KCNQ1OT1: variants seen among roughly 807,000 people sequenced by gnomAD.
The protein encoded by KCNQ1OT1 is KCNQ1 opposite strand/antisense transcript 1.
Position 2,682,216 on chromosome 11 carries a change from C to T in KCNQ1OT1, n.17779G>A, listed in dbSNP as rs1850410132. The T allele has an allele frequency of 2.5e-6, 1 of 398,406 alleles. No individual in the cohort carries two copies. The highest frequency in any genetic ancestry group is 4.4e-6 in the Non-Finnish European group (1 of 226,058). 24.7% of individuals were successfully genotyped at this position (398,406 alleles called of 1,614,324 possible). The stretch of plus-strand genomic sequence containing the variant: ...TTCCCCAGGCCAGGACTGTCTTATC[C>T]TGTGGTTCTTAGCTGAAATGTCCCT... On this transcript the variant is annotated non_coding_transcript_exon_variant, in exon 1 of 1. Coordinates refer to ENST00000597346, the Ensembl canonical transcript of KCNQ1OT1. This position sits in a 1 kb window ranked among gnomAD's most constrained non-coding sequence, Gnocchi z 5.8.
At position 2,691,785 on chromosome 11, in the gene KCNQ1OT1, G is replaced by A. The variant is rs959904983; in HGVS notation, n.8210C>T. 2.5e-6 allele frequency: 1 copy of A among 398,700 alleles called. No homozygotes were observed. Among genetic ancestry groups the A allele is most frequent in the South Asian group, 1.3e-4 (1 of 7,858 alleles). 24.7% of individuals were successfully genotyped at this position (398,700 alleles called of 1,614,324 possible). A position where few individuals can be genotyped will look rare whatever the true frequency, so the allele number is the denominator to read the frequency against. ...ATTTGCAGGCCAGTGGCCATCCACT[G>A]CCAGCAATCAGAGAATCACAAGCAC... On this transcript the variant is annotated non_coding_transcript_exon_variant, in exon 1 of 1. Transcript: ENST00000597346. This position sits in a 1 kb window ranked among gnomAD's most constrained non-coding sequence, Gnocchi z 6.4.
At position 2,627,631 on chromosome 11, in the gene KCNQ1OT1, C is replaced by T. The variant is rs1849282360; in HGVS notation, n.72364G>A. The T allele has an allele frequency of 5.0e-6, 2 of 398,256 alleles. No individual in the cohort carries two copies. The highest frequency in any genetic ancestry group is 3.6e-5 in the East Asian group (1 of 28,062). The allele number at this position is 398,256 out of a possible 1,614,324, so 24.7% of individuals were successfully genotyped here. ...TATGTTGTCATAAATTGCATGATTT[C>T]CTGCTTTTTAAAGGATGAATATTTC... On this transcript the variant is annotated non_coding_transcript_exon_variant, in exon 1 of 1. Transcript: ENST00000597346. The surrounding 1 kb of genome is among the most constrained non-coding windows in gnomAD (Gnocchi z 4.9).
At position 2,670,184 on chromosome 11, in the gene KCNQ1OT1, T is replaced by C. The variant is rs1423115145; in HGVS notation, n.29811A>G. 1 of 398,632 alleles carries C rather than the reference T, an allele frequency of 2.5e-6. No homozygotes were observed. The highest frequency in any genetic ancestry group is 4.4e-6 in the Non-Finnish European group (1 of 226,086). The allele number at this position is 398,632 out of a possible 1,614,324, so 24.7% of individuals were successfully genotyped here. On this transcript the variant is annotated non_coding_transcript_exon_variant, in exon 1 of 1. Transcript: ENST00000597346. This position sits in a 1 kb window ranked among gnomAD's most constrained non-coding sequence, Gnocchi z 4.9. ...CATCTGCCAAGGCAAGCACCCACAT[T>C]AAAGCAGAGTGAAGAGCAGGGCGAG...
chr11:2,643,386 T>C (rs1272754219), exon 1 of KCNQ1OT1: 2 of 398,344 alleles, frequency 5.0e-6, no homozygotes, highest in South Asian at 1.3e-4. Flanking sequence ...TCTTGGTCAA[T>C]TGATCCCTCT....
Position 2,676,159 on chromosome 11 carries a change from TAC to T in KCNQ1OT1, n.23834_23835del. 2.5e-6 allele frequency: 1 copy of T among 398,684 alleles called. No individual in the cohort carries two copies. Among genetic ancestry groups the T allele is most frequent in the Non-Finnish European group, 4.4e-6 (1 of 226,072 alleles). The allele number at this position is 398,684 out of a possible 1,614,324, so 24.7% of individuals were successfully genotyped here. On this transcript the variant is annotated non_coding_transcript_exon_variant, in exon 1 of 1. Coordinates refer to ENST00000597346, the Ensembl canonical transcript of KCNQ1OT1. This position sits in a 1 kb window ranked among gnomAD's most constrained non-coding sequence, Gnocchi z 4.2. ...TGGTAGCATACTGTATGTATTTTTC[TAC>T]ACTTTGCCTTTGACTTCTTCCATAG...
exon 1 of KCNQ1OT1, chr11:2,697,152 G>A (rs1850691082): frequency 1.3e-5 from 5 of 398,446 alleles, no homozygotes; most frequent in Middle Eastern, 6.2e-4. Context: ...GACCCCAGTG[G>A]AATATGTGCT....
rs1850456463 is a variant in KCNQ1OT1, at chr11:2,684,845, G to A, written n.15150C>T. ...TCCTAGTCAAGGCCTCCTGTTATTG[G>A]CTTCCTCCAGGGAGTCTGCTGAGAC... On this transcript the variant is annotated non_coding_transcript_exon_variant, in exon 1 of 1. Transcript: ENST00000597346. 1.0e-5 allele frequency: 4 copies of A among 398,640 alleles called. No homozygotes were observed. In the South Asian group the frequency reaches 5.1e-4, roughly 51 times the overall value. The allele number at this position is 398,640 out of a possible 1,614,324, so 24.7% of individuals were successfully genotyped here. A position where few individuals can be genotyped will look rare whatever the true frequency, so the allele number is the denominator to read the frequency against.
exon 1 of KCNQ1OT1, chr11:2,640,274 A>G: frequency 5.0e-6 from 2 of 397,804 alleles, no homozygotes; most frequent in Non-Finnish European, 8.8e-6. Context: ...TTGGAAATGC[A>G]GAAATCACCC....
exon 1 of KCNQ1OT1, chr11:2,699,760 C>G (rs1447894857): frequency 2.8e-6 from 1 of 359,684 alleles, no homozygotes; most frequent in Non-Finnish European, 4.7e-6. Flanking sequence ...AGAAGAGCGC[C>G]GCGCTGAGGA....
rs1454102607 is a variant in KCNQ1OT1 at position 2,617,035 on chromosome 11, A to G, written n.82960T>C. The G allele has an allele frequency of 2.5e-6, 1 of 398,068 alleles. No homozygotes were observed. Among genetic ancestry groups the G allele is most frequent in the Admixed American group, 4.4e-5 (1 of 22,686 alleles). 24.7% of individuals were successfully genotyped at this position (398,068 alleles called of 1,614,324 possible). On this transcript the variant is annotated non_coding_transcript_exon_variant, in exon 1 of 1. Coordinates refer to ENST00000597346, the Ensembl canonical transcript of KCNQ1OT1. The surrounding 1 kb of genome is among the most constrained non-coding windows in gnomAD (Gnocchi z 4.6). ...ATACAGTTAAATCGTTAACATAGTG[A>G]TGCAAATTAATATGTCCATCATCTC... is the stretch of plus-strand genomic sequence containing the variant.
exon 1 of KCNQ1OT1, chr11:2,655,454 C>T (rs1439243414): frequency 5.0e-6 from 2 of 398,560 alleles, no homozygotes; most frequent in East Asian, 3.6e-5. Context: ...GCAAAGGGCA[C>T]CTGGCATTGC....
chr11:2,683,756 G>C lies in KCNQ1OT1; in HGVS notation n.16239C>G, dbSNP rs935195989. The C allele has an allele frequency of 1.0e-5, 4 of 398,488 alleles. No individual in the cohort carries two copies. Among genetic ancestry groups the C allele is most frequent in the Non-Finnish European group, 1.8e-5 (4 of 226,074 alleles). The allele number at this position is 398,488 out of a possible 1,614,324, so 24.7% of individuals were successfully genotyped here. A position where few individuals can be genotyped will look rare whatever the true frequency, so the allele number is the denominator to read the frequency against. On this transcript the variant is annotated non_coding_transcript_exon_variant, in exon 1 of 1. Transcript: ENST00000597346. This position sits in a 1 kb window ranked among gnomAD's most constrained non-coding sequence, Gnocchi z 4.7. ...GCTTTAGCTCTGAGGCAGCCCAGAT[G>C]ACATGGGCCTCTAAGGCTGGCTGCT...
chr11:2,618,387 A>G, exon 1 of KCNQ1OT1: 1 of 398,612 alleles, frequency 2.5e-6, no homozygotes. Context: ...TCCTGGGCTT[A>G]CATGTGGTCT....
At chr11:2,699,525 G>A (rs1850740784) in exon 1 of KCNQ1OT1, 2 of 333,846 alleles carry the variant, frequency 6.0e-6, no homozygotes, top group Non-Finnish European at 1.0e-5. Flanking sequence ...GGAGAGTGCC[G>A]CGCTGAGGAG....
Position 2,620,740 on chromosome 11 carries a change from T to C in KCNQ1OT1, n.79255A>G. 2.5e-6 allele frequency: 1 copy of C among 398,592 alleles called. No homozygotes were observed. Among genetic ancestry groups the C allele is most frequent in the Non-Finnish European group, 4.4e-6 (1 of 226,054 alleles). The allele number at this position is 398,592 out of a possible 1,614,324, so 24.7% of individuals were successfully genotyped here. A position where few individuals can be genotyped will look rare whatever the true frequency, so the allele number is the denominator to read the frequency against. ...ATTGCTGGGTCAGATGGTAGTTCTGTTTTCAGTTATTTGAGAAAACTCCAA... is the reference window on the plus strand; with the variant it reads ...ATTGCTGGGTCAGATGGTAGTTCTGCTTTCAGTTATTTGAGAAAACTCCAA... On this transcript the variant is annotated non_coding_transcript_exon_variant, in exon 1 of 1. Transcript: ENST00000597346. This position sits in a 1 kb window ranked among gnomAD's most constrained non-coding sequence, Gnocchi z 4.5.
Position 2,612,994 on chromosome 11 carries a change from T to C in KCNQ1OT1, n.87001A>G, listed in dbSNP as rs1232986481. ...TGCAGCCACTGGTGTCTTTGCTCAG[T>C]TTTGTTTGTTTTAATTCTTATGTTT... is the stretch of plus-strand genomic sequence containing the variant. On this transcript the variant is annotated non_coding_transcript_exon_variant, in exon 1 of 1. Transcript: ENST00000597346. This position sits in a 1 kb window ranked among gnomAD's most constrained non-coding sequence, Gnocchi z 5.5. The C allele has an allele frequency of 2.5e-6, 1 of 398,564 alleles. No individual in the cohort carries two copies. Among genetic ancestry groups the C allele is most frequent in the Non-Finnish European group, 4.4e-6 (1 of 226,088 alleles). The allele number at this position is 398,564 out of a possible 1,614,324, so 24.7% of individuals were successfully genotyped here.
exon 1 of KCNQ1OT1, chr11:2,694,356 C>G (rs1254483342): frequency 2.5e-6 from 1 of 398,530 alleles, no homozygotes; most frequent in Non-Finnish European, 4.4e-6. Flanking sequence ...ATGGCAATGT[C>G]TGGAGATATT....
At chr11:2,631,971 AG>A in exon 1 of KCNQ1OT1, 1 of 396,592 alleles carries the variant, frequency 2.5e-6, no homozygotes, top group Non-Finnish European at 4.4e-6. Context: ...TCACAAGGTC[AG>A]GAGATCGAGA....
At position 2,644,980 on chromosome 11, in the gene KCNQ1OT1, T is replaced by C. The variant is rs529421641; in HGVS notation, n.55015A>G. On this transcript the variant is annotated non_coding_transcript_exon_variant, in exon 1 of 1. Coordinates refer to ENST00000597346, the Ensembl canonical transcript of KCNQ1OT1. ...TGCTTATCCTTGGGCCCAATGGTAG[T>C]GTATGCTGGTACCAGTGTTAGCAAG... is the stretch of plus-strand genomic sequence containing the variant. The C allele has an allele frequency of 1.0e-4, 40 of 398,534 alleles. No homozygotes were observed. The South Asian group carries it at 1.8e-3, about 18-fold the overall frequency. 24.7% of individuals were successfully genotyped at this position (398,534 alleles called of 1,614,324 possible). A position where few individuals can be genotyped will look rare whatever the true frequency, so the allele number is the denominator to read the frequency against.
Sources: gnomAD v4.1 joint callset for allele counts on GRCh38, gnomAD v4.1.1 for gene constraint, Gnocchi (gnomAD v3.1) non-coding constraint, MANE v1.5 for transcripts, NCBI Gene and HGNC (gene_info 2026-07-23, HGNC 2026-07-21) for gene names.